Variants in NCOA6 observed in about 807,000 individuals in gnomAD.
NCOA6 encodes the protein nuclear receptor coactivator 6.
NCOA6 carries 49 observed loss-of-function variants against 171.4 expected under a neutral mutation model. The observed-to-expected ratio is 0.29, with a 90% CI of 0.23 to 0.36. The LOEUF is 0.36. NCOA6 is among the 10% of genes least tolerant of loss of function. The pLI, the probability that NCOA6 is intolerant of heterozygous loss-of-function variation, is 1.00. For synonymous variants in NCOA6, 910 were observed against 927.5 expected, an observed-to-expected ratio of 0.98 and a Z score of 0.34; for missense variants, 2,248 against 2,554.5, an observed-to-expected ratio of 0.88 and a Z score of 2.59.
rs1988409172 is a variant in NCOA6, at chr20:34,715,405, CTT to C, written c.6149-42_6149-41del. The C allele has an allele frequency of 2.0e-6, 3 of 1,485,682 alleles. No individual in the cohort carries two copies. The East Asian group carries it at 6.8e-5, about 34-fold the overall frequency. 92.0% of individuals were successfully genotyped at this position (1,485,682 alleles called of 1,614,324 possible). ...AAGGACATGTTCAGTGGAAGTAACT[CTT>C]TACAGCAGTGCCCTTTAGACAGTCC... On this transcript the variant is annotated intron_variant, in intron 14 of 14. Coordinates refer to ENST00000359003, the MANE Select transcript of NCOA6 (RefSeq NM_014071.5).
In NCOA6 at chr20:34,757,815, C is replaced by A; in HGVS notation, c.933G>T (p.Gln311His). 6.2e-7 allele frequency: 1 copy of A among 1,614,072 alleles called. No homozygotes were observed. Among genetic ancestry groups the A allele is most frequent in the Non-Finnish European group, 8.5e-7 (1 of 1,180,016 alleles). The change falls in exon 7 of 15, where the codon CAG becomes CAT. Residue 311 changes from glutamine (Q) to histidine (H), a missense_variant. Physicochemically the swap from Gln to His is conservative, Grantham distance 24. Transcript: ENST00000359003. ...GIRPQFTAPT[Q>H]VPVPPGWNQL... ...GGTTCCAGCCTGGAGGAACAGGCAC[C>A]TGAGTTGGGGCAGTAAACTGGGGTC...
chr20:34,794,293 T>C (rs1310781785), intron 1 of NCOA6, among the ~76,000 whole-genome samples: 1 of 152,094 alleles, frequency 6.6e-6, no homozygotes, highest in Non-Finnish European at 1.5e-5. Context: ...TGAAACTTCA[T>C]CTCTTAAAAA....
intron 3 of NCOA6, among the ~76,000 whole-genome samples, chr20:34,780,755 G>C (rs1197312698): frequency 6.6e-6 from 1 of 152,142 alleles, no homozygotes; most frequent in Non-Finnish European, 1.5e-5. Flanking sequence ...CTGGGCTCAA[G>C]TGATCCTCCC....
At chr20:34,801,138 T>C (rs888709486) in intron 1 of NCOA6, among the ~76,000 whole-genome samples, 2 of 152,078 alleles carry the variant, frequency 1.3e-5, no homozygotes, top group East Asian at 1.9e-4. Flanking sequence ...AAGGAGGAAA[T>C]TGGAAAATTT....
intron 1 of NCOA6, among the ~76,000 whole-genome samples, chr20:34,796,381 G>C (rs1374743773): frequency 6.6e-6 from 1 of 152,012 alleles, no homozygotes; most frequent in Non-Finnish European, 1.5e-5. Context: ...CACTCTGGGG[G>C]TGCTGAGGAG....
intron 5 of NCOA6, among the ~76,000 whole-genome samples, chr20:34,765,388 C>T (rs1180855765): frequency 6.8e-6 from 1 of 148,144 alleles, no homozygotes; most frequent in Non-Finnish European, 1.5e-5. Flanking sequence ...TGAGCCGAGC[C>T]GAGATCGTGC....
chr20:34,800,450 A>G (rs2078220677), intron 1 of NCOA6, among the ~76,000 whole-genome samples: 1 of 152,228 alleles, frequency 6.6e-6, no homozygotes, highest in East Asian at 1.9e-4. Context: ...AACAACAACA[A>G]CAGAAAACAA....
At chr20:34,816,479 C>G (rs1160101414) in intron 1 of NCOA6, among the ~76,000 whole-genome samples, 2 of 152,102 alleles carry the variant, frequency 1.3e-5, no homozygotes, top group African/African-American at 4.8e-5. Flanking sequence ...AGTGATGCAG[C>G]TACAAGCCAA....
At chr20:34,822,116 CCA>C (rs1301096477) in intron 1 of NCOA6, among the ~76,000 whole-genome samples, 1 of 152,128 alleles carries the variant, frequency 6.6e-6, no homozygotes, top group Admixed American at 6.6e-5. Flanking sequence ...TGCTCAGTGC[CCA>C]CAGTCTCTGC....
intron 1 of NCOA6, chr20:34,820,538 A>T (rs1393157821): frequency 1.3e-5 from 2 of 152,208 alleles, no homozygotes; most frequent in Non-Finnish European, 2.9e-5. Flanking sequence ...TAGGAGGCCA[A>T]GACGGGTGGA....
At chr20:34,793,671 A>G (rs1008756961) in intron 1 of NCOA6, among the ~76,000 whole-genome samples, 3 of 152,150 alleles carry the variant, frequency 2.0e-5, no homozygotes, top group Non-Finnish European at 4.4e-5. Context: ...ATAAGTTCAA[A>G]TGCAAAAAAA....
At chr20:34,811,201 G>GTATATATATATA (rs10700283) in intron 1 of NCOA6, among the ~76,000 whole-genome samples, 2,494 of 53,572 alleles carry the variant, frequency 0.047, 205 homozygotes, top group Non-Finnish European at 0.053. Context: ...ACAACAACGT[G>GTATATATATATA]TATATATATA....
chr20:34,750,796 G>T (rs528223413), intron 8 of NCOA6, among the ~76,000 whole-genome samples: 7 of 152,140 alleles, frequency 4.6e-5, no homozygotes, highest in Non-Finnish European at 1.0e-4. Flanking sequence ...CAAAGATCAA[G>T]AAAGTTTACT....
chr20:34,790,455 T>C (rs1048963275), intron 2 of NCOA6, among the ~76,000 whole-genome samples: 2 of 151,108 alleles, frequency 1.3e-5, no homozygotes, highest in African/African-American at 4.9e-5. Flanking sequence ...CCCAGGTTCA[T>C]GCCATTCTCC....
rs115606861 is a variant in NCOA6 at position 34,715,488 on chromosome 20, G to T, written c.6149-123C>A. ...CTACTCAACTCAGAATCTGTCTAAG[G>T]GGTGCTCTGAATGGAGAGAGTCACA... On this transcript the variant is annotated intron_variant, in intron 14 of 14. Coordinates refer to ENST00000359003, the MANE Select transcript of NCOA6 (RefSeq NM_014071.5). 1.2e-4 allele frequency: 89 copies of T among 718,410 alleles called. No homozygotes were observed. The African/African-American group carries it at 1.5e-3, about 12-fold the overall frequency. The allele number at this position is 718,410 out of a possible 1,614,324, so 44.5% of individuals were successfully genotyped here. A position where few individuals can be genotyped will look rare whatever the true frequency, so the allele number is the denominator to read the frequency against.
intron 1 of NCOA6, among the ~76,000 whole-genome samples, chr20:34,805,702 G>A (rs13041797): frequency 6.8e-6 from 1 of 146,690 alleles, no homozygotes; most frequent in Non-Finnish European, 1.5e-5. Context: ...TTTTTTTTGA[G>A]ACGGAGTCTT....
chr20:34,752,710 C>T (rs1001080334), intron 8 of NCOA6, among the ~76,000 whole-genome samples: 1 of 152,032 alleles, frequency 6.6e-6, no homozygotes, highest in Admixed American at 6.6e-5. Flanking sequence ...GGGTGGATCA[C>T]CTGAGGTCAG....
Position 34,748,894 on chromosome 20 carries a change from T to C in NCOA6, c.2792+509A>G, listed in dbSNP as rs570216593. On this transcript the variant is annotated intron_variant, in intron 9 of 14. Transcript: ENST00000359003. The stretch of plus-strand genomic sequence containing the variant: ...CTCTCTGGTTCCCCAATAGCCATCA[T>C]AAGCCTAAAGTCAGTGCTTTGTGGA... 5.9e-5 allele frequency among the ~76,000 whole-genome samples: 9 copies of C among 152,342 alleles called. No individual in the cohort carries two copies. The South Asian group carries it at 1.9e-3, about 32-fold the overall frequency.
intron 2 of NCOA6, among the ~76,000 whole-genome samples, chr20:34,791,271 C>T (rs937093129): frequency 1.3e-5 from 2 of 152,192 alleles, no homozygotes; most frequent in Non-Finnish European, 2.9e-5. Flanking sequence ...TCGAAACATG[C>T]TTTTAGAAAA....
Sources: allele counts gnomAD v4.1 joint callset (sites outside exome capture counted in the v4.1 genomes callset), GRCh38; gene constraint gnomAD v4.1.1; transcripts MANE v1.5; gene names NCBI Gene and HGNC (gene_info 2026-07-23, HGNC 2026-07-21).